SUGT1: variants seen among roughly 807,000 people sequenced by gnomAD.
SUGT1 encodes protein SGT1 homolog.
SUGT1 carries 15 observed loss-of-function variants against 56.1 expected under a neutral mutation model. That is an observed-to-expected ratio of 0.27 (90% CI 0.18 to 0.41). SUGT1 has a LOEUF of 0.41. Ranked by LOEUF, SUGT1 falls within the 10% of genes least tolerant of loss-of-function variation. The pLI is 1.00. For missense variants in SUGT1, 347 were observed against 382.2 expected (o/e 0.91, Z 0.77); for synonymous variants, 123 against 128.6 (o/e 0.96, Z 0.30).
chr13:52,659,034 T>C (rs908555164), intron 4 of SUGT1, 145 bp from the exon 5 acceptor site: 9 of 533,224 alleles, frequency 1.7e-5, no homozygotes, highest in Middle Eastern at 5.2e-4. Context: ...CTTAACAGTA[T>C]ATTAGAAAGT....
rs1006042782 is a variant in SUGT1 at position 52,692,181 on chromosome 13, A to C, written c.*4346A>C. The C allele has an allele frequency of 7.9e-5, 12 of 152,274 alleles. No individual in the cohort carries two copies. Among genetic ancestry groups the C allele is most frequent in the Non-Finnish European group, 1.6e-4 (11 of 68,022 alleles). The allele number at this position is 152,274 out of a possible 1,614,324, so 9.4% of individuals were successfully genotyped here. A position where few individuals can be genotyped will look rare whatever the true frequency, so the allele number is the denominator to read the frequency against. ...CCTTCAATAGCATCCCATTATTGCAAATCAGAAAGATGATGGGGCCAAAGT... is the reference window on the plus strand; with the variant it reads ...CCTTCAATAGCATCCCATTATTGCACATCAGAAAGATGATGGGGCCAAAGT... On this transcript the variant is annotated 3_prime_UTR_variant, in exon 13 of 13. Transcript: ENST00000310528.
intron 11 of SUGT1, among the ~76,000 whole-genome samples, chr13:52,677,282 A>C (rs908430815): frequency 6.6e-6 from 1 of 152,202 alleles, no homozygotes; most frequent in Non-Finnish European, 1.5e-5. Context: ...GCTTTCACCC[A>C]GTTTCCCCCA....
rs543828054 is a variant in SUGT1 at position 52,697,692 on chromosome 13, C to T, written c.*9857C>T. The T allele has an allele frequency of 6.6e-6, 1 of 152,238 alleles. No individual in the cohort carries two copies. The highest frequency in any genetic ancestry group is 1.5e-5 in the Non-Finnish European group (1 of 68,022). 9.4% of individuals were successfully genotyped at this position (152,238 alleles called of 1,614,324 possible). A position where few individuals can be genotyped will look rare whatever the true frequency, so the allele number is the denominator to read the frequency against. On this transcript the variant is annotated 3_prime_UTR_variant, in exon 13 of 13. Transcript: ENST00000310528. The stretch of plus-strand genomic sequence containing the variant: ...CAAGTCTTTGCAGTCAAAAGCCATA[C>T]ACTTTTTCTTTGAGTGAGCCTTTAC...
intron 3 of SUGT1, 64 bp downstream of exon 3, chr13:52,657,686 CAAATT>C: frequency 3.5e-6 from 5 of 1,447,354 alleles, no homozygotes; most frequent in Non-Finnish European, 1.9e-6. Flanking sequence ...TTACCCATGA[CAAATT>C]AAAAGTTGTC....
At chr13:52,671,244 AAAG>A (rs1962923471) in intron 10 of SUGT1, among the ~76,000 whole-genome samples, 1 of 152,054 alleles carries the variant, frequency 6.6e-6, no homozygotes, top group Non-Finnish European at 1.5e-5. Flanking sequence ...TAGTTTAAAA[AAAG>A]ATCACAAATT....
At chr13:52,680,903 G>A (rs565647687) in intron 12 of SUGT1, among the ~76,000 whole-genome samples, 2 of 152,204 alleles carry the variant, frequency 1.3e-5, no homozygotes, top group East Asian at 1.9e-4. Flanking sequence ...GTACAGTGGC[G>A]TGATCTCGGC....
rs1963740152 is a variant in SUGT1 at position 52,690,338 on chromosome 13, A to C, written c.*2503A>C. 2.0e-5 allele frequency: 3 copies of C among 152,178 alleles called. No homozygotes were observed. Among genetic ancestry groups the C allele is most frequent in the Admixed American group, 1.3e-4 (2 of 15,280 alleles). 9.4% of individuals were successfully genotyped at this position (152,178 alleles called of 1,614,324 possible). On this transcript the variant is annotated 3_prime_UTR_variant, in exon 13 of 13. Transcript: ENST00000310528. ...CTTAACTCTATCCTTATCCTCTGCT[A>C]TCTCAATGTAGCTATTAATTGTTCC... is the stretch of plus-strand genomic sequence containing the variant.
In SUGT1 at chr13:52,693,971, T is replaced by G. The variant is rs1449350938; in HGVS notation, c.*6136T>G. On this transcript the variant is annotated 3_prime_UTR_variant, in exon 13 of 13. Coordinates refer to ENST00000310528, the MANE Select transcript of SUGT1 (RefSeq NM_006704.5). ...TATACTTATGATAAAGTTTATAAAT[T>G]AGGCACAGTAAGATATTAATAATAG... 1 of 152,182 alleles carries G rather than the reference T, an allele frequency of 6.6e-6. No individual in the cohort carries two copies. The highest frequency in any genetic ancestry group is 1.5e-5 in the Non-Finnish European group (1 of 68,038). The allele number at this position is 152,182 out of a possible 1,614,324, so 9.4% of individuals were successfully genotyped here. A position where few individuals can be genotyped will look rare whatever the true frequency, so the allele number is the denominator to read the frequency against.
rs1211779983 is a variant in SUGT1 at position 52,652,872 on chromosome 13, G to A, written c.-49G>A. ...TCCCCCTTGGGCGGTGGTGGAGGTGGTAACCGTGATAGTAGCAGCTCCGGC... is the reference window on the plus strand; with the variant it reads ...TCCCCCTTGGGCGGTGGTGGAGGTGATAACCGTGATAGTAGCAGCTCCGGC... On this transcript the variant is annotated 5_prime_UTR_variant, in exon 1 of 13. Transcript: ENST00000310528. 13 of 1,598,990 alleles carry A rather than the reference G, an allele frequency of 8.1e-6. No homozygotes were observed. The highest frequency in any genetic ancestry group is 2.3e-5 in the East Asian group (1 of 44,414).
intron 9 of SUGT1, 82 bp downstream of exon 9, chr13:52,665,815 A>G: frequency 4.6e-6 from 4 of 868,462 alleles, no homozygotes; most frequent in Non-Finnish European, 6.9e-6. Flanking sequence ...ATAACGGTTT[A>G]TCAGATAAAT....
In SUGT1 at chr13:52,698,066, T is replaced by A. The variant is rs1383900837; in HGVS notation, c.*10231T>A. On this transcript the variant is annotated 3_prime_UTR_variant, in exon 13 of 13. Transcript: ENST00000310528. The stretch of plus-strand genomic sequence containing the variant: ...AGCAGAATAAGTACCAAGGCAAGAT[T>A]GGAGAATGACCGGTTGTGAACAGGG... The A allele has an allele frequency of 2.0e-5, 3 of 152,216 alleles. No individual in the cohort carries two copies. The highest frequency in any genetic ancestry group is 7.2e-5 in the African/African-American group (3 of 41,454). The allele number at this position is 152,216 out of a possible 1,614,324, so 9.4% of individuals were successfully genotyped here. A position where few individuals can be genotyped will look rare whatever the true frequency, so the allele number is the denominator to read the frequency against.
rs10679796 is a variant in SUGT1, at chr13:52,698,448, CTTTTT to C, written c.*10629_*10633del. On this transcript the variant is annotated 3_prime_UTR_variant, in exon 13 of 13. Transcript: ENST00000310528. ...TCTCTTAAAACTTATTTATCCTAAT[CTTTTT>C]TTTTTTTTTTTTTTTAAGAGACAGG... The C allele has an allele frequency of 4.6e-5, 5 of 109,838 alleles. No individual in the cohort carries two copies. The highest frequency in any genetic ancestry group is 1.2e-4 in the Admixed American group (1 of 8,386). 6.8% of individuals were successfully genotyped at this position (109,838 alleles called of 1,614,324 possible). A position where few individuals can be genotyped will look rare whatever the true frequency, so the allele number is the denominator to read the frequency against.
rs559420984 is a variant in SUGT1, at chr13:52,687,868, A to G, written c.*33A>G. The G allele has an allele frequency of 1.6e-5, 23 of 1,406,228 alleles. 1 individual carries two copies. The South Asian group carries it at 3.1e-4, about 19-fold the overall frequency. 87.1% of individuals were successfully genotyped at this position (1,406,228 alleles called of 1,614,324 possible). On this transcript the variant is annotated 3_prime_UTR_variant, in exon 13 of 13. Coordinates refer to ENST00000310528, the MANE Select transcript of SUGT1 (RefSeq NM_006704.5). The stretch of plus-strand genomic sequence containing the variant: ...AATTTGCTCTCATCGTATTGTGTAT[A>G]TTCACCTAATGCCCATTGTGTATTG...
At chr13:52,669,130 G>A (rs1962831929) in intron 10 of SUGT1, among the ~76,000 whole-genome samples, 2 of 152,040 alleles carry the variant, frequency 1.3e-5, no homozygotes, top group South Asian at 2.1e-4. Context: ...GCTAAGTGAC[G>A]ACTTTTCTTC....
rs1962512901 is a variant in SUGT1, at chr13:52,662,636, T to G, written c.329-13T>G. ...GCAGATGAGTGATGTTATAGTCAGT[T>G]TTTTCTTTCTAGGTGCAGATGCTAA... is the stretch of plus-strand genomic sequence containing the variant. On this transcript the variant is annotated splice_polypyrimidine_tract_variant and intron_variant, in intron 5 of 12. Coordinates refer to ENST00000310528, the MANE Select transcript of SUGT1 (RefSeq NM_006704.5). 1.2e-6 allele frequency: 2 copies of G among 1,613,578 alleles called. No homozygotes were observed. The highest frequency in any genetic ancestry group is 1.7e-6 in the Non-Finnish European group (2 of 1,179,744).
chr13:52,666,036 TG>T (rs1489633727), intron 9 of SUGT1, among the ~76,000 whole-genome samples: 5 of 152,242 alleles, frequency 3.3e-5, no homozygotes, highest in Non-Finnish European at 7.3e-5. Flanking sequence ...TAGTTAGTTT[TG>T]TGATCACACA....
chr13:52,694,883 G>GT lies in SUGT1; in HGVS notation c.*7051dup, dbSNP rs780930615. On this transcript the variant is annotated 3_prime_UTR_variant, in exon 13 of 13. Transcript: ENST00000310528. ...TTTTGTATTTTTAGTAGAGACAAGA[G>GT]TTTCACCGTGTTAGCCAGGATGGTC... is the stretch of plus-strand genomic sequence containing the variant. 4 of 152,140 alleles carry GT rather than the reference G, an allele frequency of 2.6e-5. No homozygotes were observed. Among genetic ancestry groups the GT allele is most frequent in the Non-Finnish European group, 5.9e-5 (4 of 68,074 alleles). The allele number at this position is 152,140 out of a possible 1,614,324, so 9.4% of individuals were successfully genotyped here. A position where few individuals can be genotyped will look rare whatever the true frequency, so the allele number is the denominator to read the frequency against.
chr13:52,670,467 T>C (rs1004069535), intron 10 of SUGT1, among the ~76,000 whole-genome samples: 5 of 152,214 alleles, frequency 3.3e-5, no homozygotes, highest in Non-Finnish European at 7.3e-5. Context: ...GGCACCCATA[T>C]TGTGAAATAC....
intron 12 of SUGT1, among the ~76,000 whole-genome samples, chr13:52,681,546 A>G (rs1195810357): frequency 6.6e-6 from 1 of 152,334 alleles, no homozygotes; most frequent in East Asian, 1.9e-4. Flanking sequence ...TGTCAAAACT[A>G]TGCTACAACA....
Sources: gnomAD v4.1 joint callset for allele counts (sites outside exome capture counted in the v4.1 genomes callset) on GRCh38, gnomAD v4.1.1 for gene constraint, MANE v1.5 for transcripts, NCBI Gene and HGNC (gene_info 2026-07-23, HGNC 2026-07-21) for gene names.